The following CLIP4 variants were observed in gnomAD, a reference collection of about 807,000 sequenced individuals.
CLIP4 encodes the protein CAP-Gly domain-containing linker protein 4.
Under a neutral mutation model 73.1 loss-of-function variants are expected in CLIP4, and 47 were observed. The observed-to-expected ratio is 0.64, with a 90% confidence interval of 0.51 to 0.82. The LOEUF (loss-of-function observed/expected upper bound fraction) is 0.82. Ranked by LOEUF, CLIP4 falls within the 40% of genes least tolerant of loss-of-function variation. The pLI is 0.00. For missense variants in CLIP4, 874 were observed against 852.9 expected, an observed-to-expected ratio of 1.02 and a Z score of -0.31; for synonymous variants, 306 against 295.4, an observed-to-expected ratio of 1.04 and a Z score of -0.37.
At chr2:29,165,312 C>T (rs1448300150) in intron 13 of CLIP4, among the ~76,000 whole-genome samples, 3 of 151,720 alleles carry the variant, frequency 2.0e-5, no homozygotes, top group South Asian at 4.2e-4. Flanking sequence ...GCAGTAACTA[C>T]GAATAGTGCT....
intron 9 of CLIP4, among the ~76,000 whole-genome samples, chr2:29,155,225 G>C (rs190608899): frequency 6.6e-6 from 1 of 152,276 alleles, no homozygotes; most frequent in East Asian, 1.9e-4. Context: ...TTGAGTCCAG[G>C]AGTTTAGGCT....
upstream of CLIP4, among the ~76,000 whole-genome samples, chr2:29,112,544 T>C (rs536355815): frequency 6.6e-6 from 1 of 152,390 alleles, no homozygotes; most frequent in South Asian, 2.1e-4. Flanking sequence ...TCCCAGTTGC[T>C]TACTGCTGAT....
chr2:29,121,548 C>T, intron 2 of CLIP4, 27 bp downstream of exon 2: 1 of 1,608,682 alleles, frequency 6.2e-7, no homozygotes, highest in Non-Finnish European at 8.5e-7. Context: ...TGCTTATTTT[C>T]TGTGAACTGG....
At chr2:29,159,412 A>G (rs1027980033) in intron 11 of CLIP4, among the ~76,000 whole-genome samples, 2 of 152,136 alleles carry the variant, frequency 1.3e-5, no homozygotes, top group African/African-American at 4.8e-5. Flanking sequence ...TTTCTAGATC[A>G]TATTTCTCTA....
In CLIP4 at chr2:29,183,475, T is replaced by A. The variant is rs1415577604; in HGVS notation, c.*1582T>A. On this transcript the variant is annotated 3_prime_UTR_variant, in exon 16 of 16. Coordinates refer to ENST00000320081, the MANE Select transcript of CLIP4 (RefSeq NM_024692.6). ...ACTGTACTGCGATTCAAAAGTAAAC[T>A]TATTTTATTATACAGATTATTTCTT... 6.6e-6 allele frequency: 1 copy of A among 152,654 alleles called. No homozygotes were observed. The highest frequency in any genetic ancestry group is 2.4e-5 in the African/African-American group (1 of 41,470). The allele number at this position is 152,654 out of a possible 1,614,324, so 9.5% of individuals were successfully genotyped here.
chr2:29,130,739 C>T, intron 2 of CLIP4: 2 of 1,251,744 alleles, frequency 1.6e-6, no homozygotes, highest in Non-Finnish European at 2.1e-6. Flanking sequence ...TGGTGCCTCT[C>T]ATCTTTTAGT....
At chr2:29,107,840 C>T (rs941900855) in intron 1 of CLIP4, among the ~76,000 whole-genome samples, 3 of 152,214 alleles carry the variant, frequency 2.0e-5, no homozygotes, top group African/African-American at 7.2e-5. Context: ...GCACATGCTG[C>T]TGCACCTGAC....
intron 1 of CLIP4, among the ~76,000 whole-genome samples, chr2:29,110,219 C>A (rs555827744): frequency 2.0e-5 from 3 of 152,150 alleles, no homozygotes; most frequent in African/African-American, 4.8e-5. Flanking sequence ...TAATAAGTCT[C>A]GTGCGGCTCA....
At chr2:29,167,971 A>G (rs1667737254) in intron 14 of CLIP4, 1 of 152,456 alleles carries the variant, frequency 6.6e-6, no homozygotes, top group Admixed American at 6.5e-5. Flanking sequence ...TGTCTTTTCT[A>G]TTACAAACTA....
At chr2:29,134,533 C>T (rs536209038) in intron 5 of CLIP4, among the ~76,000 whole-genome samples, 8 of 152,222 alleles carry the variant, frequency 5.3e-5, no homozygotes, top group Non-Finnish European at 1.2e-4. Context: ...CTTTAAAATT[C>T]TACCTTTTCA....
chr2:29,114,076 A>G (rs1413099317), upstream of CLIP4: 1 of 152,162 alleles, frequency 6.6e-6, no homozygotes, highest in East Asian at 1.9e-4. Context: ...AGGGATGGTC[A>G]TGTATTCAAA....
intron 6 of CLIP4, among the ~76,000 whole-genome samples, chr2:29,139,111 G>A (rs576737945): frequency 3.3e-5 from 5 of 151,910 alleles, no homozygotes; most frequent in South Asian, 2.1e-4. Flanking sequence ...CAACTTGCCC[G>A]TTCAGTATGA....
At chr2:29,166,561 A>T (rs1178482665) in intron 13 of CLIP4, among the ~76,000 whole-genome samples, 1 of 147,640 alleles carries the variant, frequency 6.8e-6, no homozygotes, top group Non-Finnish European at 1.5e-5. Context: ...ACACACACAC[A>T]CTGCTCAAGT....
intron 14 of CLIP4, among the ~76,000 whole-genome samples, chr2:29,171,765 G>T (rs530596788): frequency 1.3e-5 from 2 of 151,956 alleles, no homozygotes; most frequent in Non-Finnish European, 2.9e-5. Context: ...TGATCTGCCC[G>T]CCTCGGCCTC....
intron 2 of CLIP4, among the ~76,000 whole-genome samples, chr2:29,122,542 G>T (rs1426334237): frequency 6.6e-5 from 10 of 151,960 alleles, no homozygotes; most frequent in African/African-American, 2.4e-4. Context: ...TCTCAAAAAG[G>T]CTAATATAGT....
intron 1 of CLIP4, among the ~76,000 whole-genome samples, chr2:29,107,375 T>TGTTTTTTTTGTTTTTTTTG (rs1558505011): frequency 7.0e-5 from 9 of 129,270 alleles, no homozygotes; most frequent in African/African-American, 2.6e-4. Context: ...TTTTTTTTTT[T>TGTTTTTTTTGTTTTTTTTG]TTTTTTTTTT....
chr2:29,121,870 A>G (rs1284933644), intron 2 of CLIP4, among the ~76,000 whole-genome samples: 1 of 152,220 alleles, frequency 6.6e-6, no homozygotes, highest in East Asian at 1.9e-4. Context: ...AAAGCCATGT[A>G]CTTAGGCAAA....
chr2:29,171,494 T>A (rs1349733201), intron 14 of CLIP4, among the ~76,000 whole-genome samples: 1 of 152,000 alleles, frequency 6.6e-6, no homozygotes, highest in African/African-American at 2.4e-5. Flanking sequence ...TTTAGAATAT[T>A]TCTATATGGC....
At chr2:29,174,875 A>C (rs1174563256) in intron 15 of CLIP4, among the ~76,000 whole-genome samples, 1 of 152,176 alleles carries the variant, frequency 6.6e-6, no homozygotes, top group Non-Finnish European at 1.5e-5. Flanking sequence ...TATAATGCTC[A>C]AAAAAGCCTT....
Sources: gnomAD v4.1 joint callset for allele counts (sites outside exome capture counted in the v4.1 genomes callset) on GRCh38, gnomAD v4.1.1 for gene constraint, MANE v1.5 for transcripts, NCBI Gene and HGNC (gene_info 2026-07-23, HGNC 2026-07-21) for gene names.